The following CEP170 variants were observed in gnomAD, a reference collection of about 807,000 sequenced individuals.
CEP170 encodes the protein centrosomal protein 170.
Under a neutral mutation model 151.9 loss-of-function variants are expected in CEP170, and 21 were observed. The observed-to-expected ratio is 0.14, with a 90% confidence interval of 0.10 to 0.20. The LOEUF (loss-of-function observed/expected upper bound fraction) is 0.20, where lower values mean the gene tolerates loss of function less well. Ranked by LOEUF, CEP170 falls within the 10% of genes least tolerant of loss-of-function variation. CEP170 has a pLI of 1.00. For synonymous variants in CEP170, 356 were observed against 648.8 expected, an observed-to-expected ratio of 0.55 and a Z score of 6.86; for missense variants, 964 against 1,892.9, an observed-to-expected ratio of 0.51 and a Z score of 9.11.
At chr1:243,189,579 A>T (rs1359006350) in intron 8 of CEP170, among the ~76,000 whole-genome samples, 4 of 151,544 alleles carry the variant, frequency 2.6e-5, no homozygotes, top group Non-Finnish European at 5.9e-5. Flanking sequence ...AAAAAATAGT[A>T]GTAATAATAA....
chr1:243,254,173 T>G (rs1278686194), intron 1 of CEP170, among the ~76,000 whole-genome samples: 1 of 145,356 alleles, frequency 6.9e-6, no homozygotes, highest in Non-Finnish European at 1.5e-5. Context: ...GTCCCTGTCT[T>G]CCTTACATTC....
chr1:243,179,273 G>A (rs1232531745), intron 10 of CEP170, among the ~76,000 whole-genome samples: 2 of 151,900 alleles, frequency 1.3e-5, no homozygotes, highest in East Asian at 3.9e-4. Flanking sequence ...TCATTCCCTG[G>A]TCATGTATCC....
intron 10 of CEP170, chr1:243,174,917 C>T (rs2059127332): frequency 6.6e-6 from 1 of 152,214 alleles, no homozygotes; most frequent in Non-Finnish European, 1.5e-5. Context: ...ACTCCTAACT[C>T]AAGTCACTGA....
intron 10 of CEP170, among the ~76,000 whole-genome samples, chr1:243,181,858 A>G (rs556711363): frequency 1.3e-5 from 2 of 152,068 alleles, no homozygotes; most frequent in South Asian, 2.1e-4. Context: ...TCCTTTGTCC[A>G]TCAATGTTGG....
chr1:243,205,345 A>C (rs2061336407), intron 4 of CEP170, among the ~76,000 whole-genome samples: 1 of 152,204 alleles, frequency 6.6e-6, no homozygotes, highest in South Asian at 2.1e-4. Context: ...GTAGAGCACA[A>C]GTCAGCAAAC....
rs557980956 is a variant in CEP170 at position 243,184,195 on chromosome 1, T to G, written c.1566+1584A>C. Among the ~76,000 whole-genome samples, 36 of 152,148 alleles carry G rather than the reference T, an allele frequency of 2.4e-4. No homozygotes were observed. The South Asian group carries it at 6.2e-3, about 26-fold the overall frequency. The stretch of plus-strand genomic sequence containing the variant: ...CCTTTTACATGTTTTATTGAATTCT[T>G]TTTATAATCTAGTGATATCGCCTCT... On this transcript the variant is annotated intron_variant, in intron 10 of 19. Transcript: ENST00000366542.
chr1:243,221,718 A>G lies in CEP170; in HGVS notation c.195+6T>C. On this transcript the variant is annotated splice_donor_region_variant and intron_variant, in intron 3 of 19. Coordinates refer to ENST00000366542, the MANE Select transcript of CEP170 (RefSeq NM_014812.3). ...AAACAAGACAAAAAATAAACCATTG[A>G]CTTACCCCATTGAGGCTGCCCAAAT... 2 of 1,607,930 alleles carry G rather than the reference A, an allele frequency of 1.2e-6. No homozygotes were observed. Among genetic ancestry groups the G allele is most frequent in the Non-Finnish European group, 1.7e-6 (2 of 1,177,672 alleles).
intron 13 of CEP170, among the ~76,000 whole-genome samples, chr1:243,162,064 A>T (rs2148514288): frequency 6.6e-6 from 1 of 152,354 alleles, no homozygotes; most frequent in African/African-American, 2.4e-5. Context: ...ATCCTAGATT[A>T]CAATATGGCT....
At chr1:243,215,650 G>T (rs1237943535) in intron 3 of CEP170, among the ~76,000 whole-genome samples, 1 of 152,164 alleles carries the variant, frequency 6.6e-6, no homozygotes, top group African/African-American at 2.4e-5. Context: ...GACAATGCGT[G>T]CCCAGTGGGA....
At chr1:243,178,189 C>T (rs1392777218) in intron 10 of CEP170, among the ~76,000 whole-genome samples, 1 of 151,120 alleles carries the variant, frequency 6.6e-6, no homozygotes, top group African/African-American at 2.4e-5. Context: ...ATTAACCGGG[C>T]GTGGTGGCAA....
intron 1 of CEP170, among the ~76,000 whole-genome samples, chr1:243,240,040 A>T (rs1337037609): frequency 6.6e-6 from 1 of 152,184 alleles, no homozygotes; most frequent in Admixed American, 6.5e-5. Context: ...TATGAATACA[A>T]TCTGGCCGGG....
At chr1:243,252,740 C>T (rs530173267) in intron 1 of CEP170, among the ~76,000 whole-genome samples, 1 of 152,010 alleles carries the variant, frequency 6.6e-6, no homozygotes, top group East Asian at 1.9e-4. Flanking sequence ...ATCCCACATA[C>T]TGAAATTTAG....
At chr1:243,166,605 C>G (rs1022287239) in intron 12 of CEP170, 1 of 154,714 alleles carries the variant, frequency 6.5e-6, no homozygotes, top group East Asian at 1.9e-4. Flanking sequence ...ACAAAACAAA[C>G]GAGCCAGCAT....
chr1:243,190,180 T>G (rs1190969601), intron 8 of CEP170, among the ~76,000 whole-genome samples: 1 of 152,196 alleles, frequency 6.6e-6, no homozygotes, highest in East Asian at 1.9e-4. Flanking sequence ...CAAAAACTCC[T>G]AATATAGTAA....
At chr1:243,170,298 T>C (rs1355179939) in intron 11 of CEP170, among the ~76,000 whole-genome samples, 1 of 152,038 alleles carries the variant, frequency 6.6e-6, no homozygotes, top group East Asian at 1.9e-4. Context: ...GGCAGGAGAA[T>C]TGCTTGAACC....
intron 11 of CEP170, among the ~76,000 whole-genome samples, chr1:243,172,304 G>T (rs2058904032): frequency 6.6e-6 from 1 of 152,170 alleles, no homozygotes; most frequent in South Asian, 2.1e-4. Flanking sequence ...TTTACAAGGA[G>T]ATACATTAAT....
chr1:243,169,640 G>A lies in CEP170; in HGVS notation c.1831C>T (p.Pro611Ser), dbSNP rs764437775. 6 of 1,594,258 alleles carry A rather than the reference G, an allele frequency of 3.8e-6. No homozygotes were observed. The African/African-American group carries it at 6.7e-5, about 18-fold the overall frequency. ...ERIMEFSAPLPLENETEISES... is the reference protein window; with the variant it reads ...ERIMEFSAPLSLENETEISES... ...AGAAAGAGAATACCATTCTCTAAAGGAAGAGGTGCAGAAAATTCCATTATC... is the reference window on the plus strand; with the variant it reads ...AGAAAGAGAATACCATTCTCTAAAGAAAGAGGTGCAGAAAATTCCATTATC... The change falls in exon 12 of 20, where the codon CCT (proline) becomes TCT (serine). Residue 611 changes from proline (P) to serine (S), a missense_variant. Physicochemically the swap from Pro to Ser is moderately conservative, Grantham distance 74 (BLOSUM62 -1). Transcript: ENST00000366542.
Position 243,211,939 on chromosome 1 carries a change from G to A in CEP170, c.221C>T (p.Pro74Leu), listed in dbSNP as rs776338128. Residue 74 changes from proline to leucine, a missense_variant, in exon 4 of 20, where the codon CCG becomes CTG. Physicochemically the swap from Pro to Leu is moderately conservative, Grantham distance 98 (BLOSUM62 -3). Coordinates refer to ENST00000366542, the MANE Select transcript of CEP170 (RefSeq NM_014812.3). ...NGTFVNDVRI[P>L]EQTYITLKLE... ...TTTCAAGGTGATATAAGTCTGTTCC[G>A]GAATCCTTACATCATTCACAAAAGT... The A allele has an allele frequency of 1.7e-5, 26 of 1,556,106 alleles. No individual in the cohort carries two copies. The highest frequency in any genetic ancestry group is 1.2e-4 in the South Asian group (10 of 80,100).
At chr1:243,132,869 ACT>A (rs1409871838) in intron 17 of CEP170, among the ~76,000 whole-genome samples, 1 of 152,192 alleles carries the variant, frequency 6.6e-6, no homozygotes, top group East Asian at 1.9e-4. Flanking sequence ...ATGAAAAAAC[ACT>A]GTGTACTTGT....
Sources: gnomAD v4.1 joint callset for allele counts (sites outside exome capture counted in the v4.1 genomes callset) on GRCh38, gnomAD v4.1.1 for gene constraint, MANE v1.5 for transcripts, NCBI Gene and HGNC (gene_info 2026-07-23, HGNC 2026-07-21) for gene names.